The following SPINK5 variants were observed in gnomAD, a reference collection of about 807,000 sequenced individuals.
SPINK5 encodes the protein serine peptidase inhibitor Kazal type 5, also known as serine protease inhibitor Kazal-type 5.
A neutral mutation model predicts 151.8 loss-of-function variants in SPINK5; 125 were observed. That is an observed-to-expected ratio of 0.82 (90% confidence interval 0.71 to 0.96). The LOEUF is 0.96. SPINK5 is among the 40% of genes least tolerant of loss of function. SPINK5 has a pLI of 0.00. For missense variants in SPINK5, 1,194 were observed against 1,291.9 expected, an observed-to-expected ratio of 0.92 and a Z score of 1.16; for synonymous variants, 374 against 395.3, an observed-to-expected ratio of 0.95 and a Z score of 0.64.
rs1554101970 is a variant in SPINK5, at chr5:148,068,578, AAAAGAAAG to A, written c.82-1729_82-1722del. Among the ~76,000 whole-genome samples the A allele has an allele frequency of 2.0e-4, 15 of 74,392 alleles. No individual in the cohort carries two copies. The South Asian group carries it at 0.011, about 53-fold the overall frequency. 48.8% of individuals were successfully genotyped at this position (74,392 alleles called of 152,430 possible). On this transcript the variant is annotated intron_variant, in intron 2 of 32. Transcript: ENST00000256084. ...CCAAAAAAAAAAAAAAAAAAAAAAA[AAAAGAAAG>A]AAAGAAAGAAAGAAAAAACAAGCAC...
At chr5:148,114,210 T>G (rs1344698488) in intron 20 of SPINK5, 152 bp from the exon 21 acceptor site, 3 of 904,260 alleles carry the variant, frequency 3.3e-6, no homozygotes, top group Non-Finnish European at 4.8e-6. Flanking sequence ...GTCCTTTGTG[T>G]TTAATATAAA....
intron 31 of SPINK5, among the ~76,000 whole-genome samples, chr5:148,132,094 T>TAATA (rs1254165516): frequency 2.2e-4 from 33 of 152,344 alleles, no homozygotes; most frequent in African/African-American, 7.2e-4. Context: ...GGATTCATTT[T>TAATA]AATACTCTTA....
chr5:148,098,182 T>C (rs1753523559), intron 11 of SPINK5, among the ~76,000 whole-genome samples, 188 bp downstream of exon 11: 1 of 152,052 alleles, frequency 6.6e-6, no homozygotes, highest in South Asian at 2.1e-4. Flanking sequence ...AGACGCCTTG[T>C]TCCTCTGACA....
chr5:148,121,789 C>G (rs1360857267), intron 26 of SPINK5, among the ~76,000 whole-genome samples: 1 of 149,294 alleles, frequency 6.7e-6, no homozygotes, highest in East Asian at 2.0e-4. Context: ...GAGACCCTGT[C>G]TCTACAAAAT....
At chr5:148,107,568 G>T (rs1216053397) in intron 17 of SPINK5, among the ~76,000 whole-genome samples, 1 of 152,120 alleles carries the variant, frequency 6.6e-6, no homozygotes, top group Non-Finnish European at 1.5e-5. Context: ...TGTGGGGTCA[G>T]TACATAAAGA....
intron 2 of SPINK5, among the ~76,000 whole-genome samples, chr5:148,068,741 A>G (rs897430722): frequency 4.6e-5 from 7 of 152,042 alleles, no homozygotes; most frequent in Non-Finnish European, 7.4e-5. Context: ...CTTGAAGCAG[A>G]TTAAAAAAAA....
intron 17 of SPINK5, among the ~76,000 whole-genome samples, chr5:148,107,972 T>C (rs573057806): frequency 6.6e-6 from 1 of 152,228 alleles, no homozygotes; most frequent in Non-Finnish European, 1.5e-5. Flanking sequence ...AACTTTCACA[T>C]GTCTTGATCC....
chr5:148,068,969 C>T (rs1467189417), intron 2 of SPINK5, among the ~76,000 whole-genome samples: 1 of 151,974 alleles, frequency 6.6e-6, no homozygotes, highest in Non-Finnish European at 1.5e-5. Flanking sequence ...GATGTGGTAG[C>T]ATGCACCTGT....
chr5:148,123,939 G>T lies in SPINK5; in HGVS notation c.2645G>T (p.Cys882Phe). Residue 882 changes from cysteine to phenylalanine, a missense_variant, in exon 27 of 33, where the codon TGT (cysteine) becomes TTT (phenylalanine). By Grantham distance (205) the Cys-to-Phe change is radical. Transcript: ENST00000256084. ...TATGGCAAGATGCACATCAATAAAT[G>T]TGCTATGTGTCAGAGCATCTTGTAC... ...GPYGKMHINK[C>F]AMCQSIFDRE... 1 of 1,613,990 alleles carries T rather than the reference G, an allele frequency of 6.2e-7. No individual in the cohort carries two copies. Among genetic ancestry groups the T allele is most frequent in the East Asian group, 2.2e-5 (1 of 44,856 alleles).
In SPINK5 at chr5:148,108,020, G is replaced by A. The variant is rs541986870; in HGVS notation, c.1608-733G>A. On this transcript the variant is annotated intron_variant, in intron 17 of 32. Transcript: ENST00000256084. ...ATGCATACAATTCCCTAAAAGGAGA[G>A]GTTGACAGAGTAGAGCACTAGAAGA... Among the ~76,000 whole-genome samples the A allele has an allele frequency of 9.1e-4, 138 of 152,300 alleles. 1 individual carries two copies. The highest frequency in any genetic ancestry group is 2.7e-3 in the Admixed American group (42 of 15,288).
intron 15 of SPINK5, 94 bp downstream of exon 15, chr5:148,102,002 C>T (rs1753660973): frequency 6.4e-7 from 1 of 1,566,338 alleles, no homozygotes; most frequent in Non-Finnish European, 8.7e-7. Flanking sequence ...GCATTTTCTT[C>T]TTCAGTGTAG....
Position 148,127,052 on chromosome 5 carries a change from A to C in SPINK5, c.2937A>C (p.Glu979Asp). 1 of 1,613,598 alleles carries C rather than the reference A, an allele frequency of 6.2e-7. No individual in the cohort carries two copies. The highest frequency in any genetic ancestry group is 1.1e-5 in the South Asian group (1 of 90,978). ...KPSHVRASQEEDSPDSFSSLD... is the reference protein window; with the variant it reads ...KPSHVRASQEDDSPDSFSSLD... ...CCCATGTTAGAGCTTCTCAAGAGGA[A>C]GACAGCCCAGACTCTTTCAGTTCTC... Residue 979 changes from glutamate to aspartate, a missense_variant, in exon 30 of 33, where the codon GAA becomes GAC. Physicochemically the swap from Glu to Asp is conservative, Grantham distance 45. Transcript: ENST00000256084.
At chr5:148,113,269 C>A (rs1392656435) in intron 20 of SPINK5, among the ~76,000 whole-genome samples, 2 of 151,408 alleles carry the variant, frequency 1.3e-5, no homozygotes, top group South Asian at 2.1e-4. Context: ...GTTTGCAAAC[C>A]CCTGATTTAT....
In SPINK5 at chr5:148,101,379, A is replaced by G. The variant is rs764133865; in HGVS notation, c.1245A>G (p.Lys415=). The change falls in exon 14 of 33, where the codon AAA becomes AAG. Residue 415 remains lysine, a synonymous_variant. Transcript: ENST00000256084. The stretch of plus-strand genomic sequence containing the variant: ...GCCAAGCAGAAGAAGAAGAAAAGAA[A>G]AAGAAGGAAGGTAAATCAAGAAACA... The part of the protein sequence containing the change: ...VFFQAEEEEK[K]KKEGKSRNKR... The G allele has an allele frequency of 1.8e-5, 29 of 1,611,874 alleles. No homozygotes were observed. The Middle Eastern group carries it at 6.6e-4, about 37-fold the overall frequency.
chr5:148,125,413 T>C (rs1224035971), intron 28 of SPINK5: 7 of 976,724 alleles, frequency 7.2e-6, no homozygotes, highest in Admixed American at 6.0e-5. Flanking sequence ...AATTGTCCTT[T>C]TGTCAAAAGC....
chr5:148,118,988 A>G lies in SPINK5; in HGVS notation c.2243A>G (p.Glu748Gly), dbSNP rs181639116. The part of the protein sequence containing the change: ...NQCTMCKAKL[E>G]REAERKNEYS... ...ATATTCACTTTTTTCTCCTCCAGGG[A>G]AAGAGAAGCAGAGAGAAAAAATGAG... Residue 748 changes from glutamate to glycine, a missense_variant and splice_region_variant, in exon 24 of 33, where the codon GAA (glutamate) becomes GGA (glycine). Transcript: ENST00000256084. 4.0e-3 allele frequency: 6,518 copies of G among 1,613,870 alleles called. 14 individuals carry two copies. The highest frequency in any genetic ancestry group is 4.9e-3 in the Non-Finnish European group (5,775 of 1,179,810).
At chr5:148,110,180 T>C (rs59946480) in intron 18 of SPINK5, among the ~76,000 whole-genome samples, 22,247 of 152,166 alleles carry the variant, frequency 0.15, 2,139 homozygotes, top group East Asian at 0.32. Flanking sequence ...ATTATTTTTA[T>C]GAAGTCCCAA....
intron 32 of SPINK5, among the ~76,000 whole-genome samples, chr5:148,136,494 T>G (rs1754698176): frequency 6.6e-6 from 1 of 152,178 alleles, no homozygotes; most frequent in South Asian, 2.1e-4. Context: ...TTTTAAATAT[T>G]CATTTAATGT....
chr5:148,085,977 T>C lies in SPINK5; in HGVS notation c.283-428T>C, dbSNP rs571889027. Reference sequence around the variant, plus strand: ...AGCTTAAGTGGCAGACTTAGAAATATGAAACAAGCAATCCTGCTCTTAATT... The same window carrying C: ...AGCTTAAGTGGCAGACTTAGAAATACGAAACAAGCAATCCTGCTCTTAATT... On this transcript the variant is annotated intron_variant, in intron 4 of 32. Coordinates refer to ENST00000256084, the MANE Select transcript of SPINK5 (RefSeq NM_006846.4). Among the ~76,000 whole-genome samples, 11 of 152,008 alleles carry C rather than the reference T, an allele frequency of 7.2e-5. No homozygotes were observed. In the South Asian group the frequency reaches 1.7e-3, roughly 23 times the overall value.
Sources: allele counts gnomAD v4.1 joint callset (sites outside exome capture counted in the v4.1 genomes callset), GRCh38; gene constraint gnomAD v4.1.1; transcripts MANE v1.5; gene names NCBI Gene and HGNC (gene_info 2026-07-23, HGNC 2026-07-21).